The following TOMM70 variants were observed in gnomAD, a reference collection of about 807,000 sequenced individuals.
TOMM70 encodes translocase of outer mitochondrial membrane 70, also known as mitochondrial import receptor subunit TOM70.
In TOMM70, 13 loss-of-function variants were observed where a neutral mutation model predicts 73.6. The observed-to-expected ratio is 0.18, with a 90% CI of 0.11 to 0.28. The LOEUF is 0.28. Ranked by LOEUF, TOMM70 falls within the 10% of genes least tolerant of loss-of-function variation. TOMM70 has a pLI of 1.00. For missense variants in TOMM70, 609 were observed against 747.5 expected, an observed-to-expected ratio of 0.81 and a Z score of 2.16; for synonymous variants, 257 against 271.2, an observed-to-expected ratio of 0.95 and a Z score of 0.51.
intron 4 of TOMM70, among the ~76,000 whole-genome samples, chr3:100,382,268 T>G (rs1706641755): frequency 6.6e-6 from 1 of 152,218 alleles, no homozygotes; most frequent in Non-Finnish European, 1.5e-5. Flanking sequence ...GCTTTATCTA[T>G]AAAATTCAGC....
intron 9 of TOMM70, among the ~76,000 whole-genome samples, chr3:100,370,690 A>G (rs1274194816): frequency 1.3e-5 from 2 of 152,202 alleles, no homozygotes; most frequent in East Asian, 1.9e-4. Context: ...GTATGCATAT[A>G]TAAAGTTACA....
At chr3:100,379,393 G>A (rs900161860) in intron 5 of TOMM70, among the ~76,000 whole-genome samples, 3 of 152,286 alleles carry the variant, frequency 2.0e-5, no homozygotes, top group East Asian at 3.9e-4. Context: ...GAAGGCTAAC[G>A]TGGGAGGATC....
chr3:100,379,006 CAAATAAATAAAT>C (rs145132790), intron 5 of TOMM70, among the ~76,000 whole-genome samples: 38 of 148,752 alleles, frequency 2.6e-4, no homozygotes, highest in African/African-American at 6.9e-4. Context: ...GACTCCGTCT[CAAATAAATAAAT>C]AAATAAATAA....
In TOMM70 at chr3:100,372,663, A is replaced by G; in HGVS notation, c.1395T>C (p.Phe465=). The G allele has an allele frequency of 6.2e-7, 1 of 1,614,194 alleles. No individual in the cohort carries two copies. Among genetic ancestry groups the G allele is most frequent in the Non-Finnish European group, 8.5e-7 (1 of 1,180,012 alleles). ...SSQIQAAMKG[F]EEVIKKFPRC... ...TTGGAAATTTCTTTATGACCTCTTCAAAACCTTTCATAGCTGCTTGGATTT... is the reference window on the plus strand; with the variant it reads ...TTGGAAATTTCTTTATGACCTCTTCGAAACCTTTCATAGCTGCTTGGATTT... Residue 465 remains phenylalanine, a synonymous_variant, in exon 9 of 12, where the codon TTT becomes TTC. Coordinates refer to ENST00000284320, the MANE Select transcript of TOMM70 (RefSeq NM_014820.5).
In TOMM70 at chr3:100,377,867, G is replaced by A. The variant is rs766137705; in HGVS notation, c.930C>T (p.Tyr310=). Residue 310 remains tyrosine (Y), a synonymous_variant, in exon 6 of 12, where the codon TAC becomes TAT. Transcript: ENST00000284320. ...TTGAGCATTCACTTATGATTTTATC[G>A]TAGTTTTCTTCTTCCATATACTGTT... ...KAKQYMEEEN[Y]DKIISECSKE... 13 of 1,614,022 alleles carry A rather than the reference G, an allele frequency of 8.1e-6. No homozygotes were observed. The highest frequency in any genetic ancestry group is 6.7e-5 in the East Asian group (3 of 44,874).
intron 10 of TOMM70, among the ~76,000 whole-genome samples, 190 bp downstream of exon 10, chr3:100,368,848 T>C (rs140396484): frequency 3.3e-5 from 5 of 152,268 alleles, no homozygotes; most frequent in Non-Finnish European, 5.9e-5. Context: ...AGTACTAGGA[T>C]TACGTGTAAG....
intron 1 of TOMM70, among the ~76,000 whole-genome samples, chr3:100,388,305 G>T (rs550056603): frequency 1.3e-5 from 2 of 152,232 alleles, no homozygotes; most frequent in African/African-American, 4.8e-5. Flanking sequence ...CAATCGTCAG[G>T]GTGATTGCTA....
At chr3:100,375,915 G>A (rs1706558417) in intron 6 of TOMM70, among the ~76,000 whole-genome samples, 1 of 152,140 alleles carries the variant, frequency 6.6e-6, no homozygotes, top group African/African-American at 2.4e-5. Context: ...AGATCATATG[G>A]TAAGTTTCTG....
intron 1 of TOMM70, among the ~76,000 whole-genome samples, chr3:100,399,698 G>C (rs1706866199): frequency 1.3e-5 from 2 of 151,120 alleles, no homozygotes; most frequent in South Asian, 4.2e-4. Flanking sequence ...CTGAATTTAA[G>C]ATGCTTCCAA....
At chr3:100,397,178 G>A (rs1041042325) in intron 1 of TOMM70, among the ~76,000 whole-genome samples, 5 of 152,156 alleles carry the variant, frequency 3.3e-5, no homozygotes, top group East Asian at 1.9e-4. Context: ...GAAATCCACC[G>A]AGGATGCCAA....
At chr3:100,374,992 A>C in intron 7 of TOMM70, 26 bp downstream of exon 7, 1 of 1,551,456 alleles carries the variant, frequency 6.4e-7, no homozygotes, top group Non-Finnish European at 8.7e-7. Flanking sequence ...CACAAGTCAG[A>C]CCTCTAGGTA....
intron 1 of TOMM70, 41 bp downstream of exon 1, chr3:100,400,585 C>A: frequency 6.3e-7 from 1 of 1,587,820 alleles, no homozygotes; most frequent in Non-Finnish European, 8.6e-7. Flanking sequence ...AAAAGCTGCA[C>A]GAGCCAGTTT....
intron 1 of TOMM70, among the ~76,000 whole-genome samples, chr3:100,392,762 G>C (rs72941470): frequency 2.0e-5 from 3 of 151,928 alleles, no homozygotes; most frequent in Non-Finnish European, 4.4e-5. Context: ...AAGAACTAGA[G>C]TAGGTCTACC....
intron 6 of TOMM70, chr3:100,377,458 G>C: frequency 2.3e-6 from 1 of 441,022 alleles, no homozygotes; most frequent in Non-Finnish European, 4.2e-6. Context: ...TGGCTACAGG[G>C]AGACGATGAA....
intron 1 of TOMM70, among the ~76,000 whole-genome samples, chr3:100,397,648 T>C (rs1706839587): frequency 6.6e-6 from 1 of 152,182 alleles, no homozygotes; most frequent in Admixed American, 6.5e-5. Context: ...CCCAGCACTT[T>C]GGGAGGCCAA....
At chr3:100,387,170 G>A (rs1369343781) in intron 1 of TOMM70, among the ~76,000 whole-genome samples, 192 bp from the exon 2 acceptor site, 5 of 152,198 alleles carry the variant, frequency 3.3e-5, no homozygotes, top group Admixed American at 6.5e-5. Context: ...ATCTTGGCCA[G>A]GCATGGCAGC....
chr3:100,393,118 G>A (rs1460539450), intron 1 of TOMM70, among the ~76,000 whole-genome samples: 1 of 151,266 alleles, frequency 6.6e-6, no homozygotes, highest in Admixed American at 6.6e-5. Flanking sequence ...AGAGGCTGCA[G>A]TAAGCCGAGA....
chr3:100,386,240 G>A lies in TOMM70; in HGVS notation c.603C>T (p.Asp201=), dbSNP rs1429832133. ...FRRAKAHEKL[D]NKKECLEDVT... is the part of the protein sequence containing the mutation. ...CACCTTCTAAACATTCCTTCTTATTGTCTAGCTTCTCATGGGCTTTTGCAC... is the reference window on the plus strand; with the variant it reads ...CACCTTCTAAACATTCCTTCTTATTATCTAGCTTCTCATGGGCTTTTGCAC... Residue 201 remains aspartate (D), a synonymous_variant, in exon 3 of 12, where the codon GAC becomes GAT. Coordinates refer to ENST00000284320, the MANE Select transcript of TOMM70 (RefSeq NM_014820.5). 2 of 1,611,368 alleles carry A rather than the reference G, an allele frequency of 1.2e-6. No homozygotes were observed. The highest frequency in any genetic ancestry group is 1.7e-6 in the Non-Finnish European group (2 of 1,178,846).
At chr3:100,378,043 G>A (rs376920690) in intron 5 of TOMM70, 131 bp from the exon 6 acceptor site, 9 of 676,446 alleles carry the variant, frequency 1.3e-5, no homozygotes, top group East Asian at 5.9e-5. Context: ...TCAGGCATTC[G>A]AGACCAGCCT....
Sources: allele counts gnomAD v4.1 joint callset (sites outside exome capture counted in the v4.1 genomes callset), GRCh38; gene constraint gnomAD v4.1.1; transcripts MANE v1.5; gene names NCBI Gene and HGNC (gene_info 2026-07-23, HGNC 2026-07-21).